Variants in SMOC2 observed in about 807,000 individuals in gnomAD.
SMOC2 encodes SPARC-related modular calcium-binding protein 2.
SMOC2 carries 39 observed loss-of-function variants against 61.4 expected under a neutral mutation model. That is an observed-to-expected ratio of 0.64 (90% CI 0.49 to 0.83). The LOEUF is 0.83. Ranked by LOEUF, SMOC2 falls within the 40% of genes least tolerant of loss-of-function variation. SMOC2 has a pLI of 0.00. For missense variants in SMOC2, 556 were observed against 592.9 expected (o/e 0.94, Z 0.65); for synonymous variants, 247 against 239.9 (o/e 1.03, Z -0.27).
intron 7 of SMOC2, among the ~76,000 whole-genome samples, chr6:168,568,757 C>T (rs930267442): frequency 3.9e-5 from 6 of 152,186 alleles, no homozygotes; most frequent in African/African-American, 1.4e-4. Context: ...TCCAGAATGT[C>T]AGAGAGTCTG....
Position 168,558,975 on chromosome 6 carries a change from G to A in SMOC2, c.637+9772G>A, listed in dbSNP as rs62422461. Among the ~76,000 whole-genome samples, 532 of 152,322 alleles carry A rather than the reference G, an allele frequency of 3.5e-3. 1 individual carries two copies. Among genetic ancestry groups the A allele is most frequent in the Middle Eastern group, 0.02 (6 of 294 alleles). ...TGTGCATGTGTGTGTACGTGTATGCGTGCACACATGCATGTTTACTGTAAT... is the reference window on the plus strand; with the variant it reads ...TGTGCATGTGTGTGTACGTGTATGCATGCACACATGCATGTTTACTGTAAT... On this transcript the variant is annotated intron_variant, in intron 7 of 12. Transcript: ENST00000356284.
At chr6:168,558,894 C>T (rs1296680127) in intron 7 of SMOC2, among the ~76,000 whole-genome samples, 1 of 150,968 alleles carries the variant, frequency 6.6e-6, no homozygotes, top group African/African-American at 2.4e-5. Flanking sequence ...TGTGCGTGTG[C>T]ATGTGTGTGC....
intron 9 of SMOC2, among the ~76,000 whole-genome samples, chr6:168,623,882 G>A (rs1290174685): frequency 1.3e-5 from 2 of 152,186 alleles, no homozygotes; most frequent in Non-Finnish European, 2.9e-5. Context: ...GGCCTGGGCT[G>A]TCGGTGCAGT....
At chr6:168,601,174 T>A (rs1217882425) in intron 8 of SMOC2, among the ~76,000 whole-genome samples, 1 of 152,200 alleles carries the variant, frequency 6.6e-6, no homozygotes, top group African/African-American at 2.4e-5. Flanking sequence ...AACTGTGTAG[T>A]TTCCAGGGGC....
At position 168,510,010 on chromosome 6, in the gene SMOC2, C is replaced by T; in HGVS notation, c.180C>T (p.Phe60=). The part of the protein sequence containing the change: ...KPLCASDGRT[F]LSRCEFQRAK... ...TCTGCGCATCTGACGGAAGGACCTT[C>T]CTTTCCCGTTGTGAATTTCAACGTG... The change falls in exon 2 of 13, where the codon TTC becomes TTT. Residue 60 remains phenylalanine, a synonymous_variant. Transcript: ENST00000356284. 2.5e-6 allele frequency: 4 copies of T among 1,614,244 alleles called. No homozygotes were observed. Among genetic ancestry groups the T allele is most frequent in the Non-Finnish European group, 3.4e-6 (4 of 1,180,048 alleles).
chr6:168,633,957 G>C (rs1583175424), intron 9 of SMOC2, among the ~76,000 whole-genome samples: 1 of 152,160 alleles, frequency 6.6e-6, no homozygotes, highest in Non-Finnish European at 1.5e-5. Context: ...GAGATCTGGT[G>C]GTTTTATAAG....
At chr6:168,625,641 A>G (rs1165762030) in intron 9 of SMOC2, among the ~76,000 whole-genome samples, 2 of 152,196 alleles carry the variant, frequency 1.3e-5, no homozygotes, top group African/African-American at 4.8e-5. Flanking sequence ...GCTCTCAGAA[A>G]GCCTAATTTT....
chr6:168,624,848 CACAG>C (rs148169420), intron 9 of SMOC2, among the ~76,000 whole-genome samples: 3,604 of 145,294 alleles, frequency 0.025, 275 homozygotes, highest in Admixed American at 0.17. Flanking sequence ...GACACAGGCA[CACAG>C]ACACACACAC....
chr6:168,613,634 T>C (rs1300509851), intron 9 of SMOC2, among the ~76,000 whole-genome samples: 2 of 150,210 alleles, frequency 1.3e-5, no homozygotes, highest in Non-Finnish European at 3.0e-5. Context: ...AGGGGGCCTC[T>C]TCACACCTAC....
chr6:168,518,716 T>C (rs1358494779), intron 2 of SMOC2, among the ~76,000 whole-genome samples: 2 of 149,962 alleles, frequency 1.3e-5, no homozygotes, highest in Non-Finnish European at 3.0e-5. Flanking sequence ...GTGAGTGTTA[T>C]GCTTATGTGA....
At chr6:168,660,138 A>C (rs1048345208) in intron 11 of SMOC2, among the ~76,000 whole-genome samples, 1 of 150,388 alleles carries the variant, frequency 6.6e-6, no homozygotes, top group Non-Finnish European at 1.5e-5. Context: ...TCAGATGTCA[A>C]AGCATTAGAT....
intron 9 of SMOC2, among the ~76,000 whole-genome samples, chr6:168,621,556 T>A (rs570574415): frequency 1.3e-5 from 2 of 152,320 alleles, no homozygotes; most frequent in East Asian, 3.9e-4. Context: ...ATGGGGTAAT[T>A]TATAAAGTTA....
At chr6:168,611,445 G>A (rs78348382) in intron 9 of SMOC2, among the ~76,000 whole-genome samples, 7,458 of 84,822 alleles carry the variant, frequency 0.088, 60 homozygotes, top group Non-Finnish European at 0.095. Context: ...GCCTGGCCGT[G>A]GCTCCCATGT....
At chr6:168,580,311 A>G (rs1175860192) in intron 7 of SMOC2, among the ~76,000 whole-genome samples, 1 of 152,238 alleles carries the variant, frequency 6.6e-6, no homozygotes, top group African/African-American at 2.4e-5. Flanking sequence ...ACATTTGAGT[A>G]TGAGCTTCCT....
rs118049511 is a variant in SMOC2 at position 168,579,137 on chromosome 6, C to T, written c.638-19681C>T. Among the ~76,000 whole-genome samples, 99 of 152,312 alleles carry T rather than the reference C, an allele frequency of 6.5e-4. 2 individuals carry two copies. The East Asian group carries it at 0.018, about 28-fold the overall frequency. On this transcript the variant is annotated intron_variant, in intron 7 of 12. Coordinates refer to ENST00000356284, the MANE Select transcript of SMOC2 (RefSeq NM_001166412.2). ...CTAGTAAGAATTCAAACCGGGTGGC[C>T]CTTATCCCCAGGTCACACTGTGTCC...
intron 1 of SMOC2, among the ~76,000 whole-genome samples, chr6:168,468,205 G>A (rs1474235161): frequency 6.6e-6 from 1 of 152,186 alleles, no homozygotes; most frequent in Non-Finnish European, 1.5e-5. Context: ...GTGCACACAT[G>A]GATTTATATC....
At chr6:168,659,642 T>A (rs78612886) in intron 11 of SMOC2, among the ~76,000 whole-genome samples, 496 of 25,298 alleles carry the variant, frequency 0.02, no homozygotes, top group Middle Eastern at 0.023. Flanking sequence ...AGGTTGTAGG[T>A]TGGGTGAGGG....
chr6:168,504,322 GAT>G (rs1491416281), intron 1 of SMOC2, among the ~76,000 whole-genome samples: 3 of 150,848 alleles, frequency 2.0e-5, no homozygotes, highest in Non-Finnish European at 4.4e-5. Flanking sequence ...TATATAATGA[GAT>G]AATGTGCAAC....
At chr6:168,446,793 A>C (rs1781342498) in intron 1 of SMOC2, among the ~76,000 whole-genome samples, 1 of 152,252 alleles carries the variant, frequency 6.6e-6, no homozygotes, top group South Asian at 2.1e-4. Context: ...ATATGAAATC[A>C]CATTTATATG....
Sources: gnomAD v4.1 joint callset for allele counts (sites outside exome capture counted in the v4.1 genomes callset) on GRCh38, gnomAD v4.1.1 for gene constraint, MANE v1.5 for transcripts, NCBI Gene and HGNC (gene_info 2026-07-23, HGNC 2026-07-21) for gene names.